ANKS1B: variants seen among roughly 807,000 people sequenced by gnomAD.
The protein encoded by ANKS1B is ankyrin repeat and sterile alpha motif domain containing 1B.
Under a neutral mutation model 148.3 loss-of-function variants are expected in ANKS1B, and 36 were observed. The observed-to-expected ratio is 0.24, with a 90% CI of 0.19 to 0.32. ANKS1B has a LOEUF of 0.32. Ranked by LOEUF, ANKS1B falls within the 10% of genes least tolerant of loss-of-function variation. ANKS1B has a pLI of 1.00. For missense variants in ANKS1B, 1,157 were observed against 1,542.6 expected, an observed-to-expected ratio of 0.75 and a Z score of 4.19; for synonymous variants, 542 against 560.8, an observed-to-expected ratio of 0.97 and a Z score of 0.47.
At chr12:99,930,151 G>C (rs1261161732) in intron 1 of ANKS1B, among the ~76,000 whole-genome samples, 14 of 151,174 alleles carry the variant, frequency 9.3e-5, no homozygotes, top group African/African-American at 2.9e-4. Context: ...TCTTCCATTT[G>C]TTTGTATCCT....
At chr12:99,572,357 T>C (rs1020377988) in intron 9 of ANKS1B, among the ~76,000 whole-genome samples, 1 of 152,126 alleles carries the variant, frequency 6.6e-6, no homozygotes, top group African/African-American at 2.4e-5. Context: ...AATATGTTTT[T>C]CTCCCATACT....
chr12:99,359,285 A>C (rs1320661184), intron 12 of ANKS1B, among the ~76,000 whole-genome samples: 1 of 152,074 alleles, frequency 6.6e-6, no homozygotes, highest in Non-Finnish European at 1.5e-5. Context: ...CTTAATGTAC[A>C]TGTTAGCTCC....
chr12:99,171,916 T>C (rs2077808404), intron 14 of ANKS1B, among the ~76,000 whole-genome samples: 1 of 152,086 alleles, frequency 6.6e-6, no homozygotes, highest in Non-Finnish European at 1.5e-5. Flanking sequence ...TCAAAGATTT[T>C]AGAGTTTAGT....
At chr12:99,629,087 T>C (rs969861574) in intron 9 of ANKS1B, among the ~76,000 whole-genome samples, 12 of 152,290 alleles carry the variant, frequency 7.9e-5, no homozygotes, top group African/African-American at 2.9e-4. Context: ...ATATTATCTA[T>C]GGCTCATGAT....
At chr12:98,891,364 A>G (rs2099752217) in intron 17 of ANKS1B, among the ~76,000 whole-genome samples, 1 of 152,078 alleles carries the variant, frequency 6.6e-6, no homozygotes, top group Admixed American at 6.6e-5. Context: ...TATTCTCACA[A>G]TTTTTTAAAG....
At chr12:99,659,322 T>G (rs2098464755) in intron 8 of ANKS1B, among the ~76,000 whole-genome samples, 1 of 152,152 alleles carries the variant, frequency 6.6e-6, no homozygotes, top group South Asian at 2.1e-4. Context: ...ATGGTTTCAT[T>G]TATTCCAAAT....
At chr12:99,337,410 C>T (rs922175713) in intron 12 of ANKS1B, among the ~76,000 whole-genome samples, 3 of 152,008 alleles carry the variant, frequency 2.0e-5, no homozygotes, top group Admixed American at 6.6e-5. Context: ...TCTGTATTAT[C>T]TTGAATTTCA....
At chr12:99,085,436 A>T (rs933397701) in intron 15 of ANKS1B, among the ~76,000 whole-genome samples, 6 of 152,166 alleles carry the variant, frequency 3.9e-5, no homozygotes, top group African/African-American at 1.4e-4. Context: ...AAGAGTTGCC[A>T]TTTAAGATTA....
At chr12:99,134,143 G>T (rs534341238) in intron 15 of ANKS1B, among the ~76,000 whole-genome samples, 3 of 151,906 alleles carry the variant, frequency 2.0e-5, no homozygotes, top group Admixed American at 6.6e-5. Flanking sequence ...TCCTCACTTG[G>T]TATCATCTAA....
intron 17 of ANKS1B, among the ~76,000 whole-genome samples, chr12:98,966,985 A>G (rs1228828945): frequency 6.6e-6 from 1 of 152,114 alleles, no homozygotes; most frequent in Non-Finnish European, 1.5e-5. Context: ...ACATGTATAC[A>G]TATGTAACAA....
chr12:98,836,400 A>C (rs1311314558), intron 17 of ANKS1B, among the ~76,000 whole-genome samples: 1 of 152,194 alleles, frequency 6.6e-6, no homozygotes, highest in Admixed American at 6.5e-5. Context: ...CCCAAGATTC[A>C]ATCCGAGCTG....
chr12:99,301,539 G>C (rs1417003621), intron 12 of ANKS1B, among the ~76,000 whole-genome samples: 3 of 152,004 alleles, frequency 2.0e-5, no homozygotes, highest in Non-Finnish European at 4.4e-5. Context: ...GTGATCAAAA[G>C]AATTTTACCA....
At chr12:98,901,314 C>T (rs927123587) in intron 17 of ANKS1B, among the ~76,000 whole-genome samples, 2 of 152,074 alleles carry the variant, frequency 1.3e-5, no homozygotes, top group Non-Finnish European at 2.9e-5. Flanking sequence ...GTTGGAAGGC[C>T]TGGGTGGATT....
chr12:99,868,577 A>G (rs542672370), intron 1 of ANKS1B, among the ~76,000 whole-genome samples: 1 of 152,330 alleles, frequency 6.6e-6, no homozygotes, highest in Admixed American at 6.5e-5. Flanking sequence ...GTATTAGAAT[A>G]AAAATACATA....
intron 9 of ANKS1B, among the ~76,000 whole-genome samples, chr12:99,616,086 A>G (rs1358143290): frequency 1.3e-5 from 2 of 152,172 alleles, no homozygotes; most frequent in Non-Finnish European, 2.9e-5. Flanking sequence ...CTTACAAGGG[A>G]TGTGAAGGAC....
At chr12:99,862,301 A>G (rs2153719352) in intron 1 of ANKS1B, among the ~76,000 whole-genome samples, 1 of 152,368 alleles carries the variant, frequency 6.6e-6, no homozygotes, top group Admixed American at 6.5e-5. Context: ...ATAAAAAAGC[A>G]TAGAGCAAAT....
At chr12:99,106,236 C>T (rs920966914) in intron 15 of ANKS1B, among the ~76,000 whole-genome samples, 13 of 152,160 alleles carry the variant, frequency 8.5e-5, no homozygotes, top group African/African-American at 2.9e-4. Flanking sequence ...CTAGTATCTT[C>T]GCAACCACAG....
chr12:99,141,194 C>A (rs976212502), intron 15 of ANKS1B, among the ~76,000 whole-genome samples: 1 of 152,058 alleles, frequency 6.6e-6, no homozygotes, highest in Non-Finnish European at 1.5e-5. Context: ...TTAAAAAATT[C>A]TTCCCTTTGC....
rs556347302 is a variant in ANKS1B at position 99,738,948 on chromosome 12, C to T, written c.1128+33974G>A. Among the ~76,000 whole-genome samples the T allele has an allele frequency of 3.9e-5, 6 of 152,176 alleles. No homozygotes were observed. The South Asian group carries it at 1.2e-3, about 32-fold the overall frequency. ...ATACCAACTCACTGTGTCCTTTAAG[C>T]TGTAAGGGCATATACTAATACTAAG... On this transcript the variant is annotated intron_variant, in intron 8 of 26. Coordinates refer to ENST00000683438, the MANE Select transcript of ANKS1B (RefSeq NM_001352186.2).
Sources: gnomAD v4.1 joint callset for allele counts (sites outside exome capture counted in the v4.1 genomes callset) on GRCh38, gnomAD v4.1.1 for gene constraint, MANE v1.5 for transcripts, NCBI Gene and HGNC (gene_info 2026-07-23, HGNC 2026-07-21) for gene names.